The following MANBA variants were observed in gnomAD, a reference collection of about 807,000 sequenced individuals.
The protein encoded by MANBA is beta-mannosidase.
In MANBA, 83 loss-of-function variants were observed where a neutral mutation model predicts 111.1. That is an observed-to-expected ratio of 0.75 (90% CI 0.63 to 0.90). MANBA has a LOEUF of 0.90. MANBA is among the 40% of genes least tolerant of loss of function. MANBA has a pLI of 0.00. For missense variants in MANBA, 1,036 were observed against 1,069.0 expected (o/e 0.97, Z 0.43); for synonymous variants, 370 against 378.7 (o/e 0.98, Z 0.27).
At chr4:102,725,156 T>C (rs1722745081) in intron 2 of MANBA, among the ~76,000 whole-genome samples, 1 of 152,200 alleles carries the variant, frequency 6.6e-6, no homozygotes, top group African/African-American at 2.4e-5. Flanking sequence ...AGGAAAATGT[T>C]CTAAAATTGA....
intron 7 of MANBA, chr4:102,681,457 T>A (rs1207250340): frequency 6.6e-6 from 1 of 152,068 alleles, no homozygotes; most frequent in Non-Finnish European, 1.5e-5. Context: ...ACAACAAATT[T>A]AAAAAAATAA....
At position 102,650,517 on chromosome 4, in the gene MANBA, C is replaced by T. The variant is rs1730283464; in HGVS notation, c.1869+20G>A. On this transcript the variant is annotated intron_variant, in intron 13 of 16. Transcript: ENST00000647097. ...ATTAATTGCAGGAACCTGTTCAATTCTAGAATGAAAACAACTTACCTGAGT... is the reference window on the plus strand; with the variant it reads ...ATTAATTGCAGGAACCTGTTCAATTTTAGAATGAAAACAACTTACCTGAGT... 8 of 1,596,496 alleles carry T rather than the reference C, an allele frequency of 5.0e-6. No individual in the cohort carries two copies. The South Asian group carries it at 7.7e-5, about 15-fold the overall frequency.
In MANBA at chr4:102,726,637, A is replaced by G. The variant is rs1371232564; in HGVS notation, c.224T>C (p.Leu75Ser). The G allele has an allele frequency of 1.3e-6, 2 of 1,575,406 alleles. No individual in the cohort carries two copies. The highest frequency in any genetic ancestry group is 1.7e-6 in the Non-Finnish European group (2 of 1,145,376). ...TTCTTTGCTATAGGTCCAGTTATCC[A>G]AAGAGACCCATCTGTAGTTAAGGTC... ...FNDLNYRWVS[L>S]DNWTYSKEFK... The change falls in exon 2 of 17, where the codon TTG becomes TCG. Residue 75 changes from leucine (L) to serine (S), a missense_variant. Leu to Ser is a moderately radical substitution (Grantham distance 145, BLOSUM62 -2). Coordinates refer to ENST00000647097, the MANE Select transcript of MANBA (RefSeq NM_005908.4).
chr4:102,713,447 C>A (rs535063956), intron 5 of MANBA, among the ~76,000 whole-genome samples: 14 of 152,274 alleles, frequency 9.2e-5, no homozygotes, highest in African/African-American at 3.1e-4. Flanking sequence ...TACTCTATTT[C>A]TTTTATCAAA....
At chr4:102,673,533 G>A (rs1414920211) in intron 8 of MANBA, among the ~76,000 whole-genome samples, 1 of 151,720 alleles carries the variant, frequency 6.6e-6, no homozygotes, top group East Asian at 1.9e-4. Context: ...GTAAATATGT[G>A]TTCTTATCTT....
chr4:102,665,078 C>T, intron 10 of MANBA: 3 of 524,480 alleles, frequency 5.7e-6, no homozygotes, highest in South Asian at 4.3e-5. Flanking sequence ...TAGGGTTTCT[C>T]TTCTCTGCTA....
At chr4:102,679,188 C>T (rs906809110) in intron 7 of MANBA, among the ~76,000 whole-genome samples, 25 of 152,194 alleles carry the variant, frequency 1.6e-4, no homozygotes, top group Admixed American at 1.1e-3. Context: ...CATTCTTTGT[C>T]GTGCCCTTGC....
rs1729778263 is a variant in MANBA at position 102,639,661 on chromosome 4, TC to T, written c.2014+51del. ...CAGCACTGTGCTTTCTCAGTCCCTC[TC>T]CCCACAGTGTTGCTTTCTCTCACTC... On this transcript the variant is annotated intron_variant, in intron 14 of 16. Coordinates refer to ENST00000647097, the MANE Select transcript of MANBA (RefSeq NM_005908.4). 8 of 1,610,922 alleles carry T rather than the reference TC, an allele frequency of 5.0e-6. No homozygotes were observed. In the Admixed American group the frequency reaches 8.3e-5, roughly 17 times the overall value.
chr4:102,713,253 A>C (rs1722163628), intron 5 of MANBA, among the ~76,000 whole-genome samples: 1 of 152,138 alleles, frequency 6.6e-6, no homozygotes, highest in Non-Finnish European at 1.5e-5. Context: ...CCTCCGTGTG[A>C]TTACACTGAG....
At chr4:102,759,439 T>TC (rs1273331269) in intron 1 of MANBA, among the ~76,000 whole-genome samples, 3 of 152,180 alleles carry the variant, frequency 2.0e-5, no homozygotes, top group African/African-American at 7.2e-5. Context: ...AGCTGTGTTC[T>TC]CTATCACAAG....
At chr4:102,738,999 A>G (rs1033689201) in intron 1 of MANBA, among the ~76,000 whole-genome samples, 1 of 152,222 alleles carries the variant, frequency 6.6e-6, no homozygotes, top group Non-Finnish European at 1.5e-5. Flanking sequence ...AAGGGAAGAA[A>G]AAAGATAAAT....
intron 1 of MANBA, chr4:102,729,267 A>G: frequency 2.7e-6 from 2 of 752,604 alleles, no homozygotes; most frequent in Admixed American, 3.5e-5. Flanking sequence ...CAGTCTTTGT[A>G]CACTGCAGGT....
chr4:102,728,312 T>C, intron 1 of MANBA: 1 of 535,098 alleles, frequency 1.9e-6, no homozygotes, highest in Admixed American at 1.9e-5. Context: ...GTGACTTTTC[T>C]GGATGCTCCT....
chr4:102,704,891 T>C (rs1240684823), intron 5 of MANBA, among the ~76,000 whole-genome samples: 2 of 152,228 alleles, frequency 1.3e-5, no homozygotes, highest in Non-Finnish European at 2.9e-5. Flanking sequence ...AAAGCACATC[T>C]TCTTAACAGG....
intron 11 of MANBA, chr4:102,662,659 C>T (rs948980837): frequency 1.3e-5 from 2 of 158,592 alleles, no homozygotes; most frequent in African/African-American, 4.8e-5. Context: ...TTCTCTAGGC[C>T]TTTTAGAAAA....
At chr4:102,696,696 T>G (rs939665308) in intron 5 of MANBA, among the ~76,000 whole-genome samples, 2 of 152,186 alleles carry the variant, frequency 1.3e-5, no homozygotes, top group African/African-American at 4.8e-5. Context: ...TATTCAAAGA[T>G]AGCTGCCTGG....
At chr4:102,716,053 T>C (rs1444169692) in intron 4 of MANBA, among the ~76,000 whole-genome samples, 1 of 151,952 alleles carries the variant, frequency 6.6e-6, no homozygotes, top group African/African-American at 2.4e-5. Flanking sequence ...CTCACGCATG[T>C]AATATCAACA....
At chr4:102,658,883 C>A (rs555956200) in intron 11 of MANBA, 13 of 152,318 alleles carry the variant, frequency 8.5e-5, no homozygotes, top group Middle Eastern at 6.8e-3. Context: ...AGCATGTAAG[C>A]ACTTAACAGG....
chr4:102,728,197 C>A (rs1174068794), intron 1 of MANBA: 8 of 538,426 alleles, frequency 1.5e-5, no homozygotes, highest in Non-Finnish European at 3.8e-6. Flanking sequence ...GCTGTTCCAG[C>A]TCCCTTGGGG....
Sources: gnomAD v4.1 joint callset for allele counts (sites outside exome capture counted in the v4.1 genomes callset) on GRCh38, gnomAD v4.1.1 for gene constraint, MANE v1.5 for transcripts, NCBI Gene and HGNC (gene_info 2026-07-23, HGNC 2026-07-21) for gene names.